Variants in CDH1 observed in about 807,000 individuals in gnomAD.
The protein encoded by CDH1 is cadherin 1, also known as cadherin-1.
In CDH1, 35 loss-of-function variants were observed where a neutral mutation model predicts 84.5. That is an observed-to-expected ratio of 0.41 (90% CI 0.32 to 0.55). The LOEUF (loss-of-function observed/expected upper bound fraction) is 0.55, where lower values mean the gene tolerates loss of function less well. CDH1 is among the 20% of genes least tolerant of loss of function. CDH1 has a pLI of 0.19. For synonymous variants in CDH1, 417 were observed against 439.0 expected (o/e 0.95, Z 0.63); for missense variants, 994 against 1,126.6 (o/e 0.88, Z 1.68).
chr16:68,820,199 CA>C (rs541320811), intron 11 of CDH1, among the ~76,000 whole-genome samples: 3 of 147,096 alleles, frequency 2.0e-5, no homozygotes, highest in African/African-American at 5.0e-5. Flanking sequence ...ACTCTGTCTC[CA>C]AAAAAAAAAT....
chr16:68,823,524 T>C lies in CDH1; in HGVS notation c.2062T>C (p.Cys688Arg), dbSNP rs2152139467. The C allele has an allele frequency of 6.2e-7, 1 of 1,614,052 alleles. No individual in the cohort carries two copies. Among genetic ancestry groups the C allele is most frequent in the Non-Finnish European group, 8.5e-7 (1 of 1,180,000 alleles). The change falls in exon 13 of 16, where the codon TGT becomes CGT. Residue 688 changes from cysteine to arginine, a missense_variant. By Grantham distance (180) the Cys-to-Arg change is radical. Around this residue, in one of 3 missense-constraint regions of CDH1, gnomAD observed 769 missense variants for 881.8 expected, o/e 0.87. Transcript: ENST00000261769. ...CACCTTAGAGGTCAGCGTGTGTGACTGTGAAGGGGCCGCTGGCGTCTGTAG... is the reference window on the plus strand; with the variant it reads ...CACCTTAGAGGTCAGCGTGTGTGACCGTGAAGGGGCCGCTGGCGTCTGTAG... ...VTTLEVSVCD[C>R]EGAAGVCRKA...
intron 2 of CDH1, among the ~76,000 whole-genome samples, chr16:68,779,377 C>T (rs1031103237): frequency 2.6e-5 from 4 of 152,300 alleles, no homozygotes; most frequent in South Asian, 4.1e-4. Context: ...CTTTGGGGTC[C>T]GGCAGGCCTG....
At chr16:68,793,215 A>G (rs1960259194) in intron 2 of CDH1, among the ~76,000 whole-genome samples, 2 of 152,110 alleles carry the variant, frequency 1.3e-5, no homozygotes, top group South Asian at 4.1e-4. Flanking sequence ...AGGAACTTTG[A>G]CTTATTTCAG....
At chr16:68,773,005 G>A (rs1004040791) in intron 2 of CDH1, among the ~76,000 whole-genome samples, 10 of 152,156 alleles carry the variant, frequency 6.6e-5, no homozygotes, top group Admixed American at 1.3e-4. Context: ...GAACTTCATC[G>A]TAATACATTA....
chr16:68,742,544 C>T (rs1208837621), intron 2 of CDH1: 2 of 155,924 alleles, frequency 1.3e-5, no homozygotes, highest in African/African-American at 4.8e-5. Context: ...AGGGTCGGGC[C>T]TGGTTAGTAC....
chr16:68,809,404 G>A (rs2152130601), intron 5 of CDH1, among the ~76,000 whole-genome samples: 1 of 152,222 alleles, frequency 6.6e-6, no homozygotes, highest in South Asian at 2.1e-4. Flanking sequence ...GTTTTACCAT[G>A]TTGGCCAGAG....
intron 2 of CDH1, among the ~76,000 whole-genome samples, chr16:68,800,201 AAC>A (rs1486699434): frequency 6.6e-6 from 1 of 151,808 alleles, no homozygotes; most frequent in African/African-American, 2.4e-5. Flanking sequence ...AAAAAAAAAA[AAC>A]CAAGGCCTTA....
At chr16:68,790,378 C>A (rs1960174742) in intron 2 of CDH1, among the ~76,000 whole-genome samples, 1 of 152,246 alleles carries the variant, frequency 6.6e-6, no homozygotes, top group East Asian at 1.9e-4. Context: ...TCTTTTTAAT[C>A]AGTAAGCAAA....
intron 2 of CDH1, among the ~76,000 whole-genome samples, chr16:68,776,134 G>A (rs1001573387): frequency 1.3e-5 from 2 of 152,028 alleles, no homozygotes; most frequent in African/African-American, 2.4e-5. Context: ...CTGTAGGCAC[G>A]CACCACCATG....
chr16:68,737,622 C>T (rs1385457652), intron 1 of CDH1, among the ~76,000 whole-genome samples, 159 bp downstream of exon 1: 1 of 152,194 alleles, frequency 6.6e-6, no homozygotes, highest in Non-Finnish European at 1.5e-5. Flanking sequence ...GCGCTCCGGA[C>T]CCCCCAGTGA....
intron 2 of CDH1, among the ~76,000 whole-genome samples, chr16:68,801,457 A>G (rs1960495306): frequency 6.6e-6 from 1 of 152,154 alleles, no homozygotes; most frequent in Admixed American, 6.5e-5. Context: ...TCAATTGACA[A>G]GAAGATGAGA....
At chr16:68,783,388 C>CAA (rs375080273) in intron 2 of CDH1, among the ~76,000 whole-genome samples, 43 of 61,934 alleles carry the variant, frequency 6.9e-4, no homozygotes, top group African/African-American at 1.7e-3. Context: ...CAGAGTATCT[C>CAA]AAAAAAAAAA....
chr16:68,818,533 C>CTTTTTTTTTTTT (rs869272949), intron 10 of CDH1, among the ~76,000 whole-genome samples: 1 of 123,350 alleles, frequency 8.1e-6, no homozygotes, highest in African/African-American at 2.9e-5. Context: ...TCTTGGTTTT[C>CTTTTTTTTTTTT]TTTTTTTTTT....
intron 2 of CDH1, among the ~76,000 whole-genome samples, chr16:68,740,190 C>T (rs904457541): frequency 1.3e-5 from 2 of 152,092 alleles, no homozygotes; most frequent in African/African-American, 4.8e-5. Flanking sequence ...AGAGAAATCA[C>T]CCACAATTCC....
intron 2 of CDH1, among the ~76,000 whole-genome samples, chr16:68,793,514 G>A (rs553475289): frequency 5.3e-5 from 8 of 152,228 alleles, no homozygotes; most frequent in South Asian, 4.1e-4. Flanking sequence ...GAGTCCTGGC[G>A]GCTAAGTAGC....
In CDH1 at chr16:68,808,470, C is replaced by A. The variant is rs1960726290; in HGVS notation, c.434C>A (p.Ser145Tyr). The A allele has an allele frequency of 6.2e-7, 1 of 1,614,098 alleles. No homozygotes were observed. The highest frequency in any genetic ancestry group is 8.5e-7 in the Non-Finnish European group (1 of 1,179,964). The change falls in exon 4 of 16, where the codon TCC becomes TAC. Residue 145 changes from serine (S) to tyrosine (Y), a missense_variant. Ser to Tyr is a moderately radical substitution (Grantham distance 144). This residue lies in a region of CDH1 where 203 missense variants were observed against 194.0 expected (regional missense o/e 1.05). Transcript: ENST00000261769. ...IQAELLTFPNSSPGLRRQKRD... is the reference protein window; with the variant it reads ...IQAELLTFPNYSPGLRRQKRD... ...GCAGAATTGCTCACATTTCCCAACT[C>A]CTCTCCTGGCCTCAGAAGACAGAAG...
intron 2 of CDH1, among the ~76,000 whole-genome samples, chr16:68,746,711 G>A (rs149288476): frequency 6.6e-6 from 1 of 152,268 alleles, no homozygotes; most frequent in African/African-American, 2.4e-5. Context: ...ACTTTGGGAG[G>A]CCAAGGTGGG....
chr16:68,801,631 C>T (rs2152126517), intron 2 of CDH1, 39 bp from the exon 3 acceptor site: 1 of 1,532,070 alleles, frequency 6.5e-7, no homozygotes. Flanking sequence ...TGTCTTTAAT[C>T]TGTCCAATTT....
chr16:68,757,142 G>A (rs1474728161), intron 2 of CDH1, among the ~76,000 whole-genome samples: 1 of 152,082 alleles, frequency 6.6e-6, no homozygotes, highest in South Asian at 2.1e-4. Context: ...AGGCTGGAGC[G>A]CAGTGTTGGA....
Sources: allele counts gnomAD v4.1 joint callset (sites outside exome capture counted in the v4.1 genomes callset), GRCh38; gene constraint gnomAD v4.1.1; regional missense constraint gnomAD v4.1.1; transcripts MANE v1.5; gene names NCBI Gene and HGNC (gene_info 2026-07-23, HGNC 2026-07-21).